Variants in ZNF248 observed in about 807,000 individuals in gnomAD.
ZNF248 encodes the protein zinc finger protein 248, also known as KRAB protein domain.
ZNF248 carries 20 observed loss-of-function variants against 44.3 expected under a neutral mutation model. That is an observed-to-expected ratio of 0.45 (90% CI 0.32 to 0.66). The LOEUF (loss-of-function observed/expected upper bound fraction) is 0.66. Ranked by LOEUF, ZNF248 falls within the 30% of genes least tolerant of loss-of-function variation. The probability of loss-of-function intolerance (pLI) is 0.04; values close to 1 mark genes in which losing one functional copy is unlikely to be tolerated. For synonymous variants in ZNF248, 224 were observed against 229.0 expected (o/e 0.98, Z 0.20); for missense variants, 654 against 677.0 (o/e 0.97, Z 0.38).
At chr10:37,792,106 C>G (rs983135621) in intron 6 of ZNF248, among the ~76,000 whole-genome samples, 1 of 152,112 alleles carries the variant, frequency 6.6e-6, no homozygotes, top group Non-Finnish European at 1.5e-5. Flanking sequence ...ACCAGAGAGG[C>G]AGATGAGAAA....
chr10:37,785,672 T>A (rs997151337), intron 6 of ZNF248, among the ~76,000 whole-genome samples: 7 of 152,202 alleles, frequency 4.6e-5, no homozygotes, highest in Non-Finnish European at 1.0e-4. Context: ...CACATTGCTG[T>A]CTTCCATGGC....
downstream of ZNF248, among the ~76,000 whole-genome samples, chr10:37,772,450 C>T (rs1023343517): frequency 1.3e-5 from 2 of 152,002 alleles, no homozygotes; most frequent in African/African-American, 2.4e-5. Flanking sequence ...ATGGACTAGC[C>T]GAGGAAACAC....
At chr10:37,814,448 T>C (rs2052096078) in intron 6 of ZNF248, among the ~76,000 whole-genome samples, 1 of 152,236 alleles carries the variant, frequency 6.6e-6, no homozygotes, top group South Asian at 2.1e-4. Flanking sequence ...CTTTGTATTA[T>C]AACTCCCTGT....
chr10:37,815,991 GAAAAAA>G (rs71007668), intron 6 of ZNF248, among the ~76,000 whole-genome samples: 2 of 130,144 alleles, frequency 1.5e-5, no homozygotes, highest in African/African-American at 5.8e-5. Flanking sequence ...TCCGATAATG[GAAAAAA>G]AAAAAAAAAG....
At chr10:37,788,298 C>T (rs2048122265) in intron 6 of ZNF248, among the ~76,000 whole-genome samples, 1 of 146,714 alleles carries the variant, frequency 6.8e-6, no homozygotes, top group Non-Finnish European at 1.5e-5. Flanking sequence ...ATGCAAAAGA[C>T]TTGAATGAGA....
intron 6 of ZNF248, among the ~76,000 whole-genome samples, chr10:37,809,279 ATTGT>A (rs144615675): frequency 9.2e-6 from 1 of 108,590 alleles, no homozygotes; most frequent in Admixed American, 9.9e-5. Context: ...CTTTTTATTT[ATTGT>A]TTATTTATTT....
At position 37,857,384 on chromosome 10, in the gene ZNF248, CAG is replaced by C. The variant is rs1442181288; in HGVS notation, c.-327_-326del. On this transcript the variant is annotated 5_prime_UTR_variant, in exon 1 of 6. Coordinates refer to ENST00000395867, the MANE Select transcript of ZNF248 (RefSeq NM_021045.3). The stretch of plus-strand genomic sequence containing the variant: ...CCCCTTCGCTCCTGCACTCCACGGG[CAG>C]AGAGGCCCTTGGGGCCGGTGCAGGA... The C allele has an allele frequency of 6.6e-6, 1 of 152,308 alleles. No homozygotes were observed. Among genetic ancestry groups the C allele is most frequent in the East Asian group, 1.9e-4 (1 of 5,198 alleles). 9.4% of individuals were successfully genotyped at this position (152,308 alleles called of 1,614,324 possible). A position where few individuals can be genotyped will look rare whatever the true frequency, so the allele number is the denominator to read the frequency against.
chr10:37,816,658 C>T (rs200908), intron 6 of ZNF248, among the ~76,000 whole-genome samples: 6,612 of 152,158 alleles, frequency 0.043, 205 homozygotes, highest in Middle Eastern at 0.078. Context: ...ATCAAAATCT[C>T]GTTTTTGAGT....
intron 6 of ZNF248, chr10:37,820,259 G>A: frequency 7.3e-7 from 1 of 1,370,868 alleles, no homozygotes; most frequent in South Asian, 1.2e-5. Flanking sequence ...TTTGGGAGCT[G>A]CAGAAATGCT....
the ZNF248 span, among the ~76,000 whole-genome samples, chr10:37,764,167 C>T: frequency 1.3e-5 from 2 of 152,148 alleles, no homozygotes; most frequent in Non-Finnish European, 2.9e-5. Flanking sequence ...AGGAACAGCC[C>T]TGAGAAAGAG....
chr10:37,791,068 T>G (rs2048490554), intron 6 of ZNF248, among the ~76,000 whole-genome samples: 3 of 130,622 alleles, frequency 2.3e-5, no homozygotes, highest in African/African-American at 9.0e-5. Context: ...TTTTTTTTTT[T>G]TTTGAGACAG....
intron 6 of ZNF248, among the ~76,000 whole-genome samples, chr10:37,812,871 G>A (rs2051752879): frequency 3.9e-5 from 6 of 152,148 alleles, no homozygotes; most frequent in Admixed American, 3.9e-4. Context: ...TGAAGATGGC[G>A]TGACTGTTAC....
chr10:37,808,806 G>A (rs765594031), intron 6 of ZNF248, among the ~76,000 whole-genome samples: 16 of 151,958 alleles, frequency 1.1e-4, no homozygotes, highest in African/African-American at 1.5e-4. Context: ...AATGTTAGTC[G>A]GTCTTTAAAT....
intron 6 of ZNF248, chr10:37,819,934 G>A: frequency 1.3e-6 from 1 of 770,342 alleles, no homozygotes; most frequent in Admixed American, 1.7e-5. Context: ...AGTAAACGAG[G>A]CCCCATGTCG....
chr10:37,841,728 T>G (rs1327301182), intron 3 of ZNF248, among the ~76,000 whole-genome samples: 1 of 152,212 alleles, frequency 6.6e-6, no homozygotes, highest in Non-Finnish European at 1.5e-5. Context: ...TAATCAACAG[T>G]GATAAATCAT....
chr10:37,778,858 A>T (rs1339436620), intron 6 of ZNF248, among the ~76,000 whole-genome samples: 1 of 152,206 alleles, frequency 6.6e-6, no homozygotes, highest in African/African-American at 2.4e-5. Context: ...CAGAAATACA[A>T]ACTACCATCA....
chr10:37,779,179 T>C (rs1291751924), intron 6 of ZNF248, among the ~76,000 whole-genome samples: 11 of 152,156 alleles, frequency 7.2e-5, no homozygotes, highest in Non-Finnish European at 1.5e-4. Flanking sequence ...CCAGCATCAT[T>C]CTGATACCAA....
intron 6 of ZNF248, among the ~76,000 whole-genome samples, chr10:37,787,920 T>C (rs1355484135): frequency 6.6e-6 from 1 of 152,182 alleles, no homozygotes; most frequent in African/African-American, 2.4e-5. Context: ...CATATATTAG[T>C]AGAAAATATT....
At chr10:37,856,568 A>G in intron 1 of ZNF248, 36 bp from the exon 2 acceptor site, 1 of 1,168,208 alleles carries the variant, frequency 8.6e-7, no homozygotes, top group Non-Finnish European at 1.1e-6. Flanking sequence ...TGAAAAGATG[A>G]GTTTAACAAG....
Sources: allele counts gnomAD v4.1 joint callset (sites outside exome capture counted in the v4.1 genomes callset), GRCh38; gene constraint gnomAD v4.1.1; transcripts MANE v1.5; gene names NCBI Gene and HGNC (gene_info 2026-07-23, HGNC 2026-07-21).